Variants in RBFOX1 observed in about 807,000 individuals in gnomAD.
The protein encoded by RBFOX1 is RNA binding fox-1 homolog 1.
RBFOX1 carries 8 observed loss-of-function variants against 57.7 expected under a neutral mutation model. The ratio of observed to expected loss-of-function variants is 0.14; its 90% CI spans 0.08 to 0.25. RBFOX1 has a LOEUF of 0.25. Ranked by LOEUF, RBFOX1 falls within the 10% of genes least tolerant of loss-of-function variation. The probability of loss-of-function intolerance (pLI) is 1.00; values close to 1 mark genes in which losing one functional copy is unlikely to be tolerated. For synonymous variants in RBFOX1, 326 were observed against 222.4 expected, an observed-to-expected ratio of 1.47 and a Z score of -4.15; for missense variants, 611 against 548.5, an observed-to-expected ratio of 1.11 and a Z score of -1.14.
At chr16:5,847,559 G>A (rs551373808) in intron 3 of RBFOX1, among the ~76,000 whole-genome samples, 10 of 152,254 alleles carry the variant, frequency 6.6e-5, no homozygotes, top group East Asian at 5.8e-4. Flanking sequence ...GGTATGTCAC[G>A]GTGTTGCATT....
intron 4 of RBFOX1, among the ~76,000 whole-genome samples, chr16:7,234,873 G>A (rs1313567834): frequency 6.6e-5 from 10 of 151,946 alleles, no homozygotes; most frequent in Admixed American, 5.2e-4. Flanking sequence ...TAACAATTTT[G>A]TATGTCCCAT....
At chr16:7,625,301 A>C (rs900076196) in intron 10 of RBFOX1, among the ~76,000 whole-genome samples, 3 of 152,114 alleles carry the variant, frequency 2.0e-5, no homozygotes, top group Non-Finnish European at 4.4e-5. Flanking sequence ...GGGTATTTGC[A>C]TATCAAAGCT....
intron 1 of RBFOX1, among the ~76,000 whole-genome samples, chr16:6,100,939 A>T (rs771834276): frequency 3.3e-5 from 5 of 152,124 alleles, no homozygotes; most frequent in Non-Finnish European, 5.9e-5. Context: ...AATCTTCCCT[A>T]CAGGCACAAA....
At chr16:7,069,268 T>C (rs8048984) in intron 4 of RBFOX1, among the ~76,000 whole-genome samples, 2,912 of 152,312 alleles carry the variant, frequency 0.019, 102 homozygotes, top group African/African-American at 0.065. Flanking sequence ...ACATGTGCCA[T>C]GGTGTTTTGC....
At chr16:5,410,953 A>C (rs2067005678) in intron 1 of RBFOX1, among the ~76,000 whole-genome samples, 1 of 152,196 alleles carries the variant, frequency 6.6e-6, no homozygotes, top group South Asian at 2.1e-4. Flanking sequence ...TCATGAAAGC[A>C]CTTGTTTCAA....
chr16:6,438,649 G>A (rs1227735766), intron 2 of RBFOX1, among the ~76,000 whole-genome samples: 3 of 152,126 alleles, frequency 2.0e-5, no homozygotes, highest in African/African-American at 7.2e-5. Flanking sequence ...TCTGAGTTGG[G>A]GTTGGCGTTG....
intron 3 of RBFOX1, among the ~76,000 whole-genome samples, chr16:6,668,054 A>C (rs1294422548): frequency 4.6e-5 from 7 of 152,232 alleles, no homozygotes; most frequent in African/African-American, 1.4e-4. Flanking sequence ...AGTAAATTAC[A>C]AAGCTTAAAC....
At chr16:5,778,566 A>C (rs1010618255) in intron 3 of RBFOX1, among the ~76,000 whole-genome samples, 14 of 152,156 alleles carry the variant, frequency 9.2e-5, no homozygotes, top group Non-Finnish European at 2.9e-5. Context: ...CTCTGAGAGC[A>C]ACCCCGCGTG....
At chr16:7,323,254 T>A (rs1042238252) in intron 4 of RBFOX1, among the ~76,000 whole-genome samples, 1 of 152,014 alleles carries the variant, frequency 6.6e-6, no homozygotes, top group Admixed American at 6.6e-5. Context: ...GAGACCCCCA[T>A]CTCTGAAAAA....
chr16:5,802,378 G>C lies in RBFOX1; in HGVS notation c.319-64925G>C, dbSNP rs147516296. 6.4e-3 allele frequency among the ~76,000 whole-genome samples: 968 copies of C among 152,232 alleles called. 18 individuals are homozygous for C. Among genetic ancestry groups the C allele is most frequent in the African/African-American group, 0.022 (898 of 41,538 alleles). On this transcript the variant is annotated intron_variant, in intron 3 of 19. Transcript: ENST00000641259. ...AAGATGCGTGTGAGTCTTCCCAAAG[G>C]ATGGCTGGACTGTAAAACATGCAAA... is the stretch of plus-strand genomic sequence containing the variant.
intron 1 of RBFOX1, among the ~76,000 whole-genome samples, chr16:5,283,279 T>G (rs916423006): frequency 5.9e-5 from 9 of 152,160 alleles, no homozygotes; most frequent in Non-Finnish European, 1.3e-4. Context: ...ACTAGGGCAG[T>G]GCGGAAGGGA....
intron 3 of RBFOX1, among the ~76,000 whole-genome samples, chr16:6,802,600 C>T (rs1321702074): frequency 6.6e-6 from 1 of 152,186 alleles, no homozygotes; most frequent in Admixed American, 6.5e-5. Context: ...TCGCTTGAAC[C>T]TGGGTGGCCG....
chr16:7,195,585 T>C (rs2086498229), intron 4 of RBFOX1, among the ~76,000 whole-genome samples: 1 of 152,152 alleles, frequency 6.6e-6, no homozygotes, highest in African/African-American at 2.4e-5. Context: ...TGAGACAGAG[T>C]CCAACTCTCT....
At chr16:5,601,520 CTG>C (rs1311264635), downstream of RBFOX1, 2 of 152,200 alleles carry the variant, frequency 1.3e-5, no homozygotes, top group Non-Finnish European at 2.9e-5. Context: ...CCTCGGAAGA[CTG>C]TGGGAGCATA....
rs562652362 is a variant in RBFOX1 at position 5,788,507 on chromosome 16, A to C, written c.319-78796A>C. Among the ~76,000 whole-genome samples, 157 of 152,182 alleles carry C rather than the reference A, an allele frequency of 1.0e-3. 1 individual carries two copies. Among genetic ancestry groups the C allele is most frequent in the African/African-American group, 3.6e-3 (150 of 41,524 alleles). ...AGCTGGGCATGGTGGCAGGTGCCTG[A>C]AGTCCCAGCTAGTTGGGAGGCTGAG... On this transcript the variant is annotated intron_variant, in intron 3 of 19. Transcript: ENST00000641259.
chr16:6,733,802 C>T (rs2069320625), intron 3 of RBFOX1, among the ~76,000 whole-genome samples: 2 of 152,172 alleles, frequency 1.3e-5, no homozygotes, highest in African/African-American at 4.8e-5. Context: ...CTGGGTTCTA[C>T]TACCATCTCT....
intron 4 of RBFOX1, among the ~76,000 whole-genome samples, chr16:7,492,261 C>G (rs540663535): frequency 1.1e-4 from 17 of 152,122 alleles, no homozygotes; most frequent in Non-Finnish European, 1.9e-4. Context: ...AAAAGGAATG[C>G]AGATTAGCAG....
At chr16:5,983,048 G>C (rs1055953346) in intron 4 of RBFOX1, among the ~76,000 whole-genome samples, 1 of 152,260 alleles carries the variant, frequency 6.6e-6, no homozygotes, top group Non-Finnish European at 1.5e-5. Context: ...AGTCATCCCA[G>C]CGCTGATGTC....
At chr16:5,851,644 A>C (rs2056899968) in intron 3 of RBFOX1, among the ~76,000 whole-genome samples, 1 of 152,216 alleles carries the variant, frequency 6.6e-6, no homozygotes, top group Admixed American at 6.5e-5. Context: ...GGCTATGGCG[A>C]AACATAAATT....
Sources: gnomAD v4.1 joint callset for allele counts (sites outside exome capture counted in the v4.1 genomes callset) on GRCh38, gnomAD v4.1.1 for gene constraint, MANE v1.5 for transcripts, NCBI Gene and HGNC (gene_info 2026-07-23, HGNC 2026-07-21) for gene names.